SCN7A: variants seen among roughly 807,000 people sequenced by gnomAD.
SCN7A encodes the protein sodium channel protein type 7 subunit alpha.
Under a neutral mutation model 155.2 loss-of-function variants are expected in SCN7A, and 138 were observed. The ratio of observed to expected loss-of-function variants is 0.89; its 90% CI spans 0.77 to 1.02. The LOEUF (loss-of-function observed/expected upper bound fraction) is 1.02. Among genes scored for constraint, SCN7A ranks in the 50% least tolerant of loss-of-function variants. The pLI is 0.00. For missense variants in SCN7A, 2,058 were observed against 1,986.6 expected (o/e 1.04, Z -0.68); for synonymous variants, 693 against 649.0 (o/e 1.07, Z -1.03).
Position 166,432,591 on chromosome 2 carries a change from G to C in SCN7A, c.2319C>G (p.Val773=). 1 of 1,613,038 alleles carries C rather than the reference G, an allele frequency of 6.2e-7. No individual in the cohort carries two copies. Among genetic ancestry groups the C allele is most frequent in the South Asian group, 1.1e-5 (1 of 90,906 alleles). Residue 773 remains valine (V), a synonymous_variant, in exon 16 of 26, where the codon GTC becomes GTG. Coordinates refer to ENST00000643258, the MANE Select transcript of SCN7A (RefSeq NM_002976.4). ...TTACATGGTCCATTGTGTCCTTTGG[G>C]ACATTTTGTGTTTTGCATAGTATTT... is the stretch of plus-strand genomic sequence containing the variant. ...LLKILCKTQN[V]PKDTMDHVNE... is the part of the protein sequence containing the mutation.
In SCN7A at chr2:166,421,295, C is replaced by A. The variant is rs1701505057; in HGVS notation, c.3030G>T (p.Val1010=). 6.8e-7 allele frequency: 1 copy of A among 1,481,324 alleles called. No individual in the cohort carries two copies. Among genetic ancestry groups the A allele is most frequent in the Non-Finnish European group, 9.0e-7 (1 of 1,112,704 alleles). 91.8% of individuals were successfully genotyped at this position (1,481,324 alleles called of 1,614,324 possible). A position where few individuals can be genotyped will look rare whatever the true frequency, so the allele number is the denominator to read the frequency against. Residue 1010 remains valine, a splice_region_variant and synonymous_variant, in exon 20 of 26, where the codon GTG becomes GTT. Transcript: ENST00000643258. The stretch of plus-strand genomic sequence containing the variant: ...TTTTGCCTATTAAGCTAAGACAAAA[C>A]ACCTATATATTTTTTTTAAAAAAAG... ...WYRLDFVVVI[V]FCLSLIGKTR...
chr2:166,434,570 C>G (rs527582771), intron 15 of SCN7A, among the ~76,000 whole-genome samples: 1 of 152,142 alleles, frequency 6.6e-6, no homozygotes, highest in Non-Finnish European at 1.5e-5. Context: ...TTCTGTTCTC[C>G]CACTAGCGTC....
At chr2:166,475,093 C>CGTATATGTGTATATATATATATATATAT (rs1193173809) in intron 3 of SCN7A, among the ~76,000 whole-genome samples, 2 of 129,560 alleles carry the variant, frequency 1.5e-5, no homozygotes, top group African/African-American at 5.7e-5. Context: ...TATATATATA[C>CGTATATGTGTATATATATATATATATAT]ACATATATAT....
chr2:166,472,707 C>T (rs907074962), intron 5 of SCN7A, among the ~76,000 whole-genome samples: 2 of 151,778 alleles, frequency 1.3e-5, no homozygotes, highest in Admixed American at 1.3e-4. Flanking sequence ...TAGGCTGTGT[C>T]TTATAGCATT....
Position 166,441,555 on chromosome 2 carries a change from G to A in SCN7A, c.1998C>T (p.Leu666=). The change falls in exon 15 of 26, where the codon CTC becomes CTT. Residue 666 remains leucine, a synonymous_variant. Coordinates refer to ENST00000643258, the MANE Select transcript of SCN7A (RefSeq NM_002976.4). ...FVCHIDKDCQ[L]PRWHMHDFFH... Reference sequence around the variant, plus strand: ...AAAAGTCATGCATGTGCCAGCGTGGGAGTTGACAGTCTTTGTCTATGTGGC... The same window carrying A: ...AAAAGTCATGCATGTGCCAGCGTGGAAGTTGACAGTCTTTGTCTATGTGGC... The A allele has an allele frequency of 1.2e-6, 2 of 1,614,062 alleles. No homozygotes were observed. Among genetic ancestry groups the A allele is most frequent in the Non-Finnish European group, 1.7e-6 (2 of 1,179,968 alleles).
intron 5 of SCN7A, among the ~76,000 whole-genome samples, chr2:166,473,076 G>C (rs1702695115): frequency 6.6e-6 from 1 of 151,488 alleles, no homozygotes; most frequent in Middle Eastern, 3.2e-3. Flanking sequence ...ATGAGAACTA[G>C]GCTTAATACC....
rs1469199400 is a variant in SCN7A, at chr2:166,470,037, A to G, written c.664+578T>C. Among the ~76,000 whole-genome samples, 4 of 151,892 alleles carry G rather than the reference A, an allele frequency of 2.6e-5. 1 individual carries two copies. The South Asian group carries it at 8.3e-4, about 31-fold the overall frequency. On this transcript the variant is annotated intron_variant, in intron 7 of 25. Coordinates refer to ENST00000643258, the MANE Select transcript of SCN7A (RefSeq NM_002976.4). ...TAATTGTCCTTATTCATTCACAATA[A>G]CAAACTAGAAGGTGTTGGTGTGTTT...
intron 25 of SCN7A, among the ~76,000 whole-genome samples, chr2:166,409,191 TAA>T (rs1191820179): frequency 1.3e-5 from 2 of 151,964 alleles, no homozygotes; most frequent in Non-Finnish European, 2.9e-5. Context: ...ATTTATTAAA[TAA>T]GAGAGAGATC....
At chr2:166,430,358 AT>A (rs1701708795) in intron 16 of SCN7A, among the ~76,000 whole-genome samples, 1 of 151,950 alleles carries the variant, frequency 6.6e-6, no homozygotes, top group Non-Finnish European at 1.5e-5. Flanking sequence ...TCTTACACAG[AT>A]ATTTTTATTT....
Position 166,410,062 on chromosome 2 carries a change from A to AAACTAT in SCN7A, c.3712-133_3712-128dup, listed in dbSNP as rs148412476. ...ATAAGTGTGAACCTAAATTTTTGCC[A>AAACTAT]AACTATAACATATAGTCAAAACAAA... is the stretch of plus-strand genomic sequence containing the variant. On this transcript the variant is annotated intron_variant, in intron 24 of 25. Coordinates refer to ENST00000643258, the MANE Select transcript of SCN7A (RefSeq NM_002976.4). 5.2e-3 allele frequency: 6,084 copies of AAACTAT among 1,177,302 alleles called. 310 individuals carry two copies. The East Asian group carries it at 0.12, about 23-fold the overall frequency. The allele number at this position is 1,177,302 out of a possible 1,614,324, so 72.9% of individuals were successfully genotyped here. A position where few individuals can be genotyped will look rare whatever the true frequency, so the allele number is the denominator to read the frequency against.
chr2:166,450,871 A>C (rs560225323), intron 11 of SCN7A, among the ~76,000 whole-genome samples: 2 of 152,288 alleles, frequency 1.3e-5, no homozygotes, highest in East Asian at 3.9e-4. Context: ...TCTTAGCTGA[A>C]CTATAAGATT....
intron 7 of SCN7A, among the ~76,000 whole-genome samples, chr2:166,467,135 C>G (rs1004951130): frequency 6.6e-6 from 1 of 151,628 alleles, no homozygotes; most frequent in African/African-American, 2.4e-5. Context: ...GTCAAATATA[C>G]TACAGTGGTT....
At chr2:166,444,013 A>G (rs1475396558) in intron 13 of SCN7A, among the ~76,000 whole-genome samples, 4 of 152,154 alleles carry the variant, frequency 2.6e-5, no homozygotes, top group Non-Finnish European at 5.9e-5. Context: ...TTAATTTTTC[A>G]TCCTCTGAGA....
Position 166,477,586 on chromosome 2 carries a change from G to T in SCN7A, c.111C>A (p.Asp37Glu). ...KTHNEDHEEE[D>E]LKPTPDLEVG... Reference sequence around the variant, plus strand: ...CTTCCAAATCAGGAGTTGGCTTTAAGTCTTCTTCTTCATGGTCTTCATTAT... The same window carrying T: ...CTTCCAAATCAGGAGTTGGCTTTAATTCTTCTTCTTCATGGTCTTCATTAT... Residue 37 changes from aspartate to glutamate, a missense_variant, in exon 3 of 26, where the codon GAC becomes GAA. By Grantham distance (45) the Asp-to-Glu change is conservative (BLOSUM62 2). Transcript: ENST00000643258. The T allele has an allele frequency of 1.9e-6, 3 of 1,591,146 alleles. No individual in the cohort carries two copies. Among genetic ancestry groups the T allele is most frequent in the Non-Finnish European group, 2.6e-6 (3 of 1,166,924 alleles).
intron 22 of SCN7A, 101 bp from the exon 23 acceptor site, chr2:166,412,768 T>C: frequency 1.2e-5 from 17 of 1,409,808 alleles, no homozygotes; most frequent in Non-Finnish European, 1.6e-5. Context: ...AGCATTGTTA[T>C]GCTACCTAAG....
chr2:166,443,764 T>G, intron 13 of SCN7A, 88 bp from the exon 14 acceptor site: 1 of 924,868 alleles, frequency 1.1e-6, no homozygotes, highest in Non-Finnish European at 1.6e-6. Context: ...CACACACTGT[T>G]TACTTGTCAC....
At chr2:166,416,447 G>A (rs942917222) in intron 21 of SCN7A, among the ~76,000 whole-genome samples, 2 of 152,206 alleles carry the variant, frequency 1.3e-5, no homozygotes, top group Admixed American at 6.5e-5. Context: ...CACCCCCGGC[G>A]GCCCAGCTGT....
Position 166,406,446 on chromosome 2 carries a change from C to G in SCN7A, c.4183G>C (p.Ala1395Pro), listed in dbSNP as rs551591002. The change falls in exon 26 of 26, where the codon GCC becomes CCC. Residue 1395 changes from alanine (A) to proline (P), a missense_variant. Ala to Pro is a conservative substitution (Grantham distance 27). Coordinates refer to ENST00000643258, the MANE Select transcript of SCN7A (RefSeq NM_002976.4). ...GCAAAATTATACATTCCAAATACGG[C>G]ATAGATGAACATGACCAGGAAGATG... ...LLIFLVMFIY[A>P]VFGMYNFAYV... The G allele has an allele frequency of 1.9e-6, 3 of 1,612,908 alleles. No individual in the cohort carries two copies. The Admixed American group carries it at 5.0e-5, about 27-fold the overall frequency.
At chr2:166,446,781 A>G (rs1203185418) in intron 12 of SCN7A, among the ~76,000 whole-genome samples, 1 of 152,148 alleles carries the variant, frequency 6.6e-6, no homozygotes, top group African/African-American at 2.4e-5. Context: ...CAGGAACCAA[A>G]CACCGCATGT....
Sources: gnomAD v4.1 joint callset for allele counts (sites outside exome capture counted in the v4.1 genomes callset) on GRCh38, gnomAD v4.1.1 for gene constraint, MANE v1.5 for transcripts, NCBI Gene and HGNC (gene_info 2026-07-23, HGNC 2026-07-21) for gene names.